Variants in DOCK5 observed in about 807,000 individuals in gnomAD.
DOCK5 encodes the protein dedicator of cytokinesis 5, also known as dedicator of cytokinesis protein 5.
In DOCK5, 142 loss-of-function variants were observed where a neutral mutation model predicts 251.8. The observed-to-expected ratio is 0.56, with a 90% CI of 0.49 to 0.65. The LOEUF is 0.65. DOCK5 is among the 30% of genes least tolerant of loss of function. The pLI, the probability that DOCK5 is intolerant of heterozygous loss-of-function variation, is 0.00. For missense variants in DOCK5, 2,111 were observed against 2,312.3 expected, an observed-to-expected ratio of 0.91 and a Z score of 1.79; for synonymous variants, 842 against 835.5, an observed-to-expected ratio of 1.01 and a Z score of -0.13.
At chr8:25,368,294 G>A in intron 32 of DOCK5, 44 bp downstream of exon 32, 1 of 1,526,316 alleles carries the variant, frequency 6.6e-7, no homozygotes, top group Non-Finnish European at 9.0e-7. Context: ...ACCTCTGAGT[G>A]ATAAGCATCC....
chr8:25,253,636 C>T (rs1363717461), intron 2 of DOCK5, among the ~76,000 whole-genome samples: 1 of 152,152 alleles, frequency 6.6e-6, no homozygotes, highest in East Asian at 1.9e-4. Context: ...AATGATCATA[C>T]TTCTCCTCTT....
chr8:25,342,499 G>A lies in DOCK5; in HGVS notation c.2609G>A (p.Arg870Gln), dbSNP rs527517185. The A allele has an allele frequency of 1.5e-5, 24 of 1,581,950 alleles. No individual in the cohort carries two copies. Among genetic ancestry groups the A allele is most frequent in the South Asian group, 8.0e-5 (7 of 87,062 alleles). ...MTKIVESTLF[R>Q]QSECREVLLP... Reference sequence around the variant, plus strand: ...AAGATAGTAGAGAGCACTCTTTTTCGACAGTCAGGTAAGTCTCCTTCAAAA... The same window carrying A: ...AAGATAGTAGAGAGCACTCTTTTTCAACAGTCAGGTAAGTCTCCTTCAAAA... The change falls in exon 25 of 52, where the codon CGA becomes CAA. Residue 870 changes from arginine to glutamine, a missense_variant. Physicochemically the swap from Arg to Gln is conservative, Grantham distance 43. Coordinates refer to ENST00000276440, the MANE Select transcript of DOCK5 (RefSeq NM_024940.8).
chr8:25,321,267 T>C (rs1018880815), intron 16 of DOCK5, among the ~76,000 whole-genome samples: 1 of 152,234 alleles, frequency 6.6e-6, no homozygotes, highest in African/African-American at 2.4e-5. Flanking sequence ...CCTCAAAATG[T>C]GTTTTGTGAA....
intron 3 of DOCK5, among the ~76,000 whole-genome samples, chr8:25,274,346 T>C (rs969983060): frequency 6.6e-6 from 1 of 152,182 alleles, no homozygotes; most frequent in Non-Finnish European, 1.5e-5. Flanking sequence ...TAGCCAACAG[T>C]GCCAGGTATA....
chr8:25,327,632 A>G (rs1217276682), intron 18 of DOCK5, among the ~76,000 whole-genome samples: 3 of 152,166 alleles, frequency 2.0e-5, no homozygotes, highest in Non-Finnish European at 4.4e-5. Context: ...TGATACATCT[A>G]CTTCACCCCA....
intron 44 of DOCK5, among the ~76,000 whole-genome samples, chr8:25,393,320 A>G (rs1251322846): frequency 6.6e-6 from 1 of 152,142 alleles, no homozygotes; most frequent in Non-Finnish European, 1.5e-5. Flanking sequence ...TATTGATTAA[A>G]TCTGTTTTAT....
At chr8:25,305,660 T>C (rs1293094140) in intron 11 of DOCK5, among the ~76,000 whole-genome samples, 1 of 152,170 alleles carries the variant, frequency 6.6e-6, no homozygotes, top group Admixed American at 6.5e-5. Flanking sequence ...TACACACACA[T>C]ACAGAAATGG....
intron 13 of DOCK5, among the ~76,000 whole-genome samples, chr8:25,316,556 G>A (rs1354015011): frequency 6.6e-6 from 1 of 152,120 alleles, no homozygotes; most frequent in African/African-American, 2.4e-5. Context: ...AGATTAACAA[G>A]TTAGTCTATA....
At chr8:25,312,920 A>G (rs1805140917) in intron 13 of DOCK5, among the ~76,000 whole-genome samples, 1 of 151,994 alleles carries the variant, frequency 6.6e-6, no homozygotes, top group Non-Finnish European at 1.5e-5. Flanking sequence ...ACAGAGTAAG[A>G]CTCCATCTCA....
Position 25,377,367 on chromosome 8 carries a change from G to A in DOCK5, c.3879G>A (p.Gln1293=). ...AGGACAGTTACTATGTTTATACCCA[G>A]CAAGAGCTTAAAGAGAAGCTGTATC... ...LQKDSYYVYT[Q]QELKEKLYQE... Residue 1293 remains glutamine (Q), a synonymous_variant, in exon 38 of 52, where the codon CAG becomes CAA. Transcript: ENST00000276440. 6.2e-7 allele frequency: 1 copy of A among 1,613,798 alleles called. No individual in the cohort carries two copies. Among genetic ancestry groups the A allele is most frequent in the Middle Eastern group, 1.7e-4 (1 of 6,060 alleles).
At chr8:25,317,801 C>T (rs570184371) in intron 14 of DOCK5, among the ~76,000 whole-genome samples, 22 of 152,078 alleles carry the variant, frequency 1.4e-4, no homozygotes, top group Non-Finnish European at 2.1e-4. Flanking sequence ...TTATTAGAGA[C>T]GGGGTTTCAC....
At chr8:25,392,126 A>T (rs1801270307) in intron 43 of DOCK5, 146 bp downstream of exon 43, 1 of 736,032 alleles carries the variant, frequency 1.4e-6, no homozygotes, top group African/African-American at 1.8e-5. Context: ...ATACGGTGAA[A>T]CCCCATCGGT....
In DOCK5 at chr8:25,321,268, G is replaced by A. The variant is rs904039275; in HGVS notation, c.1615+216G>A. ...CTATATTAGGATTTCCTCAAAATGT[G>A]TTTTGTGAACACTAATATTCTCAAA... On this transcript the variant is annotated intron_variant, in intron 16 of 51. Transcript: ENST00000276440. 3.3e-5 allele frequency among the ~76,000 whole-genome samples: 5 copies of A among 152,188 alleles called. No homozygotes were observed. In the South Asian group the frequency reaches 1.0e-3, roughly 32 times the overall value.
At position 25,366,951 on chromosome 8, in the gene DOCK5, C is replaced by T. The variant is rs190638874; in HGVS notation, c.3205C>T (p.Arg1069Cys). Reference protein sequence around the residue: ...LQLETFSQAKRNKIVKKYGDM... With the variant: ...LQLETFSQAKCNKIVKKYGDM... ...GCTTGAAACCTTCTCACAAGCCAAG[C>T]GCAACAAAATTGTTAAAAAGTAAGT... is the stretch of plus-strand genomic sequence containing the variant. Residue 1069 changes from arginine to cysteine, a missense_variant, in exon 31 of 52, where the codon CGC (arginine) becomes TGC (cysteine). Arg to Cys is a radical substitution (Grantham distance 180). Around this residue, in one of 3 missense-constraint regions of DOCK5, gnomAD observed 1,717 missense variants for 1,892.4 expected, o/e 0.91. Coordinates refer to ENST00000276440, the MANE Select transcript of DOCK5 (RefSeq NM_024940.8). The T allele has an allele frequency of 6.8e-5, 109 of 1,613,652 alleles. No homozygotes were observed. Among genetic ancestry groups the T allele is most frequent in the Middle Eastern group, 3.3e-4 (2 of 6,060 alleles).
At chr8:25,253,352 C>T (rs1803325126) in intron 2 of DOCK5, among the ~76,000 whole-genome samples, 1 of 149,446 alleles carries the variant, frequency 6.7e-6, no homozygotes. Context: ...GAGCTTTTAG[C>T]ATTCCACAGA....
At position 25,214,761 on chromosome 8, in the gene DOCK5, T is replaced by C. The variant is rs548209280; in HGVS notation, c.44-28913T>C. On this transcript the variant is annotated intron_variant, in intron 1 of 51. Transcript: ENST00000276440. ...TTCCACAAACCACGCACTTTATCAT[T>C]GCGAAAGGGGACAGAGAGGATCAGG... Among the ~76,000 whole-genome samples, 167 of 152,234 alleles carry C rather than the reference T, an allele frequency of 1.1e-3. 1 individual carries two copies. Among genetic ancestry groups the C allele is most frequent in the African/African-American group, 3.0e-3 (125 of 41,550 alleles).
chr8:25,316,941 T>C lies in DOCK5; in HGVS notation c.1319-66T>C, dbSNP rs1415872921. On this transcript the variant is annotated intron_variant, in intron 13 of 51. Coordinates refer to ENST00000276440, the MANE Select transcript of DOCK5 (RefSeq NM_024940.8). Reference sequence around the variant, plus strand: ...CGTGTTGTCTTTACCTTTTATGTCGTATGACATTCTGAAACTTAGAATGAC... The same window carrying C: ...CGTGTTGTCTTTACCTTTTATGTCGCATGACATTCTGAAACTTAGAATGAC... 6 of 1,591,692 alleles carry C rather than the reference T, an allele frequency of 3.8e-6. No individual in the cohort carries two copies. The East Asian group carries it at 1.3e-4, about 36-fold the overall frequency.
intron 36 of DOCK5, among the ~76,000 whole-genome samples, 190 bp from the exon 37 acceptor site, chr8:25,374,374 C>T (rs191902858): frequency 3.3e-5 from 5 of 152,166 alleles, no homozygotes; most frequent in East Asian, 3.9e-4. Flanking sequence ...CCTGGTGGCA[C>T]GTGCCAGCTA....
chr8:25,398,323 ACAG>A (rs1333895467), intron 45 of DOCK5, among the ~76,000 whole-genome samples: 11 of 152,220 alleles, frequency 7.2e-5, no homozygotes, highest in African/African-American at 2.7e-4. Context: ...ATTTATACTG[ACAG>A]TCCCTCTAAA....
Sources: gnomAD v4.1 joint callset for allele counts (sites outside exome capture counted in the v4.1 genomes callset) on GRCh38, gnomAD v4.1.1 for gene constraint, gnomAD v4.1.1 regional missense constraint, MANE v1.5 for transcripts, NCBI Gene and HGNC (gene_info 2026-07-23, HGNC 2026-07-21) for gene names.